The following NELL1 variants were observed in gnomAD, a reference collection of about 807,000 sequenced individuals.
The protein encoded by NELL1 is protein kinase C-binding protein NELL1.
A neutral mutation model predicts 107.4 loss-of-function variants in NELL1; 76 were observed. The observed-to-expected ratio is 0.71, with a 90% CI of 0.59 to 0.86. The LOEUF is 0.86. NELL1 is among the 40% of genes least tolerant of loss of function. The pLI, the probability that NELL1 is intolerant of heterozygous loss-of-function variation, is 0.00. For synonymous variants in NELL1, 353 were observed against 341.2 expected (o/e 1.03, Z -0.38); for missense variants, 1,024 against 1,005.5 (o/e 1.02, Z -0.25).
intron 13 of NELL1, among the ~76,000 whole-genome samples, chr11:21,178,817 A>G (rs1856764263): frequency 6.6e-6 from 1 of 151,828 alleles, no homozygotes; most frequent in Non-Finnish European, 1.5e-5. Flanking sequence ...AAAATTTTAA[A>G]AAAGATTCAA....
At chr11:21,166,308 A>G (rs552499614) in intron 13 of NELL1, among the ~76,000 whole-genome samples, 6 of 151,860 alleles carry the variant, frequency 4.0e-5, no homozygotes, top group South Asian at 2.1e-4. Flanking sequence ...GAAAGAATAA[A>G]TAAGATGTAG....
In NELL1 at chr11:21,292,740, C is replaced by T. The variant is rs186159145; in HGVS notation, c.1549+63286C>T. Among the ~76,000 whole-genome samples, 522 of 152,134 alleles carry T rather than the reference C, an allele frequency of 3.4e-3. 9 individuals are homozygous for T. Among genetic ancestry groups the T allele is most frequent in the Admixed American group, 0.03 (455 of 15,270 alleles). On this transcript the variant is annotated intron_variant, in intron 14 of 19. Coordinates refer to ENST00000357134, the MANE Select transcript of NELL1 (RefSeq NM_006157.5). ...CTGATACCAAAACAGATATATAGACCAATGGAACAGAACAGAGGCCTCAGA... is the reference window on the plus strand; with the variant it reads ...CTGATACCAAAACAGATATATAGACTAATGGAACAGAACAGAGGCCTCAGA...
In NELL1 at chr11:21,336,830, AG is replaced by A. The variant is rs371937686; in HGVS notation, c.1550-34022del. Among the ~76,000 whole-genome samples the A allele has an allele frequency of 1.8e-3, 275 of 152,062 alleles. 9 individuals carry two copies. The South Asian group carries it at 0.053, about 30-fold the overall frequency. ...GTTATTATATTAAAGAAGTATTGGAAGAACAACTTAAATTCTAGAAATCACA... is the reference window on the plus strand; with the variant it reads ...GTTATTATATTAAAGAAGTATTGGAAAACAACTTAAATTCTAGAAATCACA... On this transcript the variant is annotated intron_variant, in intron 14 of 19. Coordinates refer to ENST00000357134, the MANE Select transcript of NELL1 (RefSeq NM_006157.5).
intron 14 of NELL1, among the ~76,000 whole-genome samples, chr11:21,342,424 C>T (rs1850589437): frequency 7.2e-6 from 1 of 138,718 alleles, no homozygotes; most frequent in African/African-American, 2.8e-5. Context: ...GGGGGGGGGT[C>T]ACTTGAGGCC....
chr11:21,016,440 A>G (rs116709296), intron 12 of NELL1, among the ~76,000 whole-genome samples: 28 of 152,040 alleles, frequency 1.8e-4, no homozygotes, highest in Non-Finnish European at 3.2e-4. Context: ...GTTTGCCATG[A>G]TTTAGTTCCA....
intron 1 of NELL1, among the ~76,000 whole-genome samples, chr11:20,672,710 T>A (rs547481622): frequency 4.6e-4 from 70 of 152,346 alleles, no homozygotes; most frequent in African/African-American, 1.5e-3. Context: ...GTGTGAATAA[T>A]TGAAAACTCA....
chr11:20,759,973 T>C (rs1052951056), intron 2 of NELL1, among the ~76,000 whole-genome samples: 6 of 152,194 alleles, frequency 3.9e-5, no homozygotes, highest in African/African-American at 1.4e-4. Context: ...CTAAACATAG[T>C]GGCTCCAACC....
chr11:21,286,847 C>T (rs1849130490), intron 14 of NELL1, among the ~76,000 whole-genome samples: 1 of 152,164 alleles, frequency 6.6e-6, no homozygotes, highest in Non-Finnish European at 1.5e-5. Context: ...AACATAATGG[C>T]TGGTACATAA....
intron 13 of NELL1, among the ~76,000 whole-genome samples, chr11:21,175,357 T>C (rs1370686814): frequency 1.3e-5 from 2 of 151,798 alleles, no homozygotes; most frequent in African/African-American, 4.9e-5. Context: ...CGAGAGTCAA[T>C]GTTAGAGCTT....
intron 4 of NELL1, among the ~76,000 whole-genome samples, chr11:20,861,908 T>C (rs941882656): frequency 1.3e-5 from 2 of 152,190 alleles, no homozygotes; most frequent in African/African-American, 2.4e-5. Flanking sequence ...CCTCAAGTGA[T>C]TGTGAGAATT....
intron 4 of NELL1, 69 bp downstream of exon 4, chr11:20,847,822 A>G (rs1410151644): frequency 1.4e-6 from 2 of 1,471,846 alleles, no homozygotes; most frequent in Non-Finnish European, 1.8e-6. Context: ...GGGAAAAAAT[A>G]TCAAATTCCT....
chr11:21,303,552 T>G (rs1245634865), intron 14 of NELL1, among the ~76,000 whole-genome samples: 2 of 152,182 alleles, frequency 1.3e-5, no homozygotes, highest in East Asian at 3.9e-4. Context: ...TCTTATGCAC[T>G]GTTAGTGGGA....
At chr11:20,705,063 A>G (rs1375572771) in intron 2 of NELL1, among the ~76,000 whole-genome samples, 3 of 152,164 alleles carry the variant, frequency 2.0e-5, no homozygotes, top group Non-Finnish European at 2.9e-5. Context: ...GGAAGAATCA[A>G]TATCGTGAAA....
At chr11:20,689,928 C>T (rs12789136) in intron 2 of NELL1, among the ~76,000 whole-genome samples, 50,625 of 149,190 alleles carry the variant, frequency 0.34, 9,198 homozygotes, top group African/African-American at 0.46. Context: ...CCTATTTCTC[C>T]ACATCCTCTC....
chr11:20,679,207 T>A (rs975518521), intron 2 of NELL1, among the ~76,000 whole-genome samples: 1 of 152,172 alleles, frequency 6.6e-6, no homozygotes, highest in Non-Finnish European at 1.5e-5. Context: ...CTGTTTTAAG[T>A]ATTACTCTTG....
chr11:21,488,104 T>C (rs913804994), intron 15 of NELL1, among the ~76,000 whole-genome samples: 6 of 152,176 alleles, frequency 3.9e-5, no homozygotes, highest in Non-Finnish European at 7.3e-5. Flanking sequence ...ATTCTCACCA[T>C]TAGACAGATT....
chr11:21,025,147 C>T (rs762522185), intron 12 of NELL1, among the ~76,000 whole-genome samples: 5 of 151,984 alleles, frequency 3.3e-5, no homozygotes, highest in South Asian at 2.1e-4. Flanking sequence ...AGGTAGAATC[C>T]GCTTCCCTGT....
chr11:21,370,834 C>G lies in NELL1; in HGVS notation c.1550-19C>G. On this transcript the variant is annotated intron_variant, in intron 14 of 19. Transcript: ENST00000357134. Reference sequence around the variant, plus strand: ...TATTGCATTTTATCTAAGATAAATACTTTGTTCTCTTGCAACAGCTTTCTG... The same window carrying G: ...TATTGCATTTTATCTAAGATAAATAGTTTGTTCTCTTGCAACAGCTTTCTG... 6.3e-7 allele frequency: 1 copy of G among 1,598,710 alleles called. No homozygotes were observed. Among genetic ancestry groups the G allele is most frequent in the Non-Finnish European group, 8.6e-7 (1 of 1,169,270 alleles).
intron 3 of NELL1, among the ~76,000 whole-genome samples, chr11:20,789,079 A>G (rs1349926944): frequency 2.0e-5 from 3 of 152,176 alleles, no homozygotes; most frequent in Admixed American, 6.5e-5. Context: ...TCTTACTGCT[A>G]TGGAATCTTT....
Sources: allele counts gnomAD v4.1 joint callset (sites outside exome capture counted in the v4.1 genomes callset), GRCh38; gene constraint gnomAD v4.1.1; transcripts MANE v1.5; gene names NCBI Gene and HGNC (gene_info 2026-07-23, HGNC 2026-07-21).